The following FANCA variants were observed in gnomAD, a reference collection of about 807,000 sequenced individuals.
The protein encoded by FANCA is FA complementation group A, also known as Fanconi anemia group A protein.
In FANCA, 236 loss-of-function variants were observed where a neutral mutation model predicts 194.3. The observed-to-expected ratio is 1.21, with a 90% confidence interval of 1.09 to 1.35. The LOEUF is 1.35. Ranked by LOEUF, FANCA falls within the 40% of genes most tolerant of loss-of-function variation. The pLI, the probability that FANCA is intolerant of heterozygous loss-of-function variation, is 0.00. For synonymous variants in FANCA, 1,014 were observed against 715.8 expected, an observed-to-expected ratio of 1.42 and a Z score of -6.65; for missense variants, 2,628 against 1,813.9, an observed-to-expected ratio of 1.45 and a Z score of -8.15.
chr16:89,757,113 C>G lies in FANCA; in HGVS notation c.2981+1464G>C, dbSNP rs143322380. Among the ~76,000 whole-genome samples the G allele has an allele frequency of 1.6e-3, 251 of 152,202 alleles. 1 individual carries two copies. The highest frequency in any genetic ancestry group is 2.4e-3 in the Non-Finnish European group (165 of 68,008). ...ACCTCAGCCTCACGAGTAGCTGGGA[C>G]CATAGGCACACACTACCATGCCTGG... On this transcript the variant is annotated intron_variant, in intron 30 of 42. Coordinates refer to ENST00000389301, the MANE Select transcript of FANCA (RefSeq NM_000135.4).
chr16:89,749,489 A>G (rs1374916581), intron 32 of FANCA, among the ~76,000 whole-genome samples: 1 of 152,172 alleles, frequency 6.6e-6, no homozygotes, highest in East Asian at 1.9e-4. Flanking sequence ...AGCCTCCCAA[A>G]ATGCTAGGAT....
chr16:89,814,888 C>A (rs1430152872), intron 2 of FANCA, among the ~76,000 whole-genome samples: 1 of 151,882 alleles, frequency 6.6e-6, no homozygotes, highest in African/African-American at 2.4e-5. Context: ...CTGCAGTGAG[C>A]CGAGATCACC....
intron 20 of FANCA, chr16:89,778,462 T>C (rs1173821316): frequency 1.2e-5 from 3 of 256,518 alleles, no homozygotes; most frequent in South Asian, 6.3e-5. Flanking sequence ...CGAGACTCCA[T>C]CTAAAAAAAA....
At chr16:89,778,545 T>C (rs2039591760) in intron 20 of FANCA, 2 of 463,606 alleles carry the variant, frequency 4.3e-6, no homozygotes, top group Non-Finnish European at 3.8e-6. Context: ...AGAGAATCGC[T>C]TGAACCTAAG....
rs2039390413 is a variant in FANCA at position 89,773,361 on chromosome 16, C to T, written c.1924G>A (p.Glu642Lys). 1 of 1,551,330 alleles carries T rather than the reference C, an allele frequency of 6.4e-7. No individual in the cohort carries two copies. Among genetic ancestry groups the T allele is most frequent in the African/African-American group, 1.4e-5 (1 of 73,038 alleles). The change falls in exon 22 of 43, where the codon GAA (glutamate) becomes AAA (lysine). Residue 642 changes from glutamate (E) to lysine (K), a missense_variant. Coordinates refer to ENST00000389301, the MANE Select transcript of FANCA (RefSeq NM_000135.4). The stretch of plus-strand genomic sequence containing the variant: ...AGGGGCTCCTCAGCAGAGTTGGGTT[C>T]TGCCCTCACTCCCAGGGCTGCATCT... ...PEDAALGVRA[E>K]PNSAEEPLGQ...
Position 89,738,182 on chromosome 16 carries a change from C to G in FANCA, c.*419G>C, listed in dbSNP as rs763348972. The G allele has an allele frequency of 6.2e-7, 1 of 1,611,872 alleles. No individual in the cohort carries two copies. Among genetic ancestry groups the G allele is most frequent in the Non-Finnish European group, 8.5e-7 (1 of 1,179,484 alleles). On this transcript the variant is annotated 3_prime_UTR_variant, in exon 43 of 43. Transcript: ENST00000389301. ...GCCCTGCCCCTGGAGGCGGAACCACCACCTGGGCCACCGAGCCCCTCTGTG... is the reference window on the plus strand; with the variant it reads ...GCCCTGCCCCTGGAGGCGGAACCACGACCTGGGCCACCGAGCCCCTCTGTG...
rs144524132 is a variant in FANCA at position 89,742,872 on chromosome 16, G to A, written c.3693C>T (p.His1231=). 71 of 1,614,034 alleles carry A rather than the reference G, an allele frequency of 4.4e-5. No homozygotes were observed. Among genetic ancestry groups the A allele is most frequent in the Non-Finnish European group, 5.7e-5 (67 of 1,180,030 alleles). Residue 1231 remains histidine, a synonymous_variant, in exon 37 of 43, where the codon CAC becomes CAT. Coordinates refer to ENST00000389301, the MANE Select transcript of FANCA (RefSeq NM_000135.4). ...CTTCCCTGACTTGTTGAATCGCAAA[G>A]TGCAGTGCAGCAGCTGAGAGCCAGT... ...NPDWLSAAAL[H]FAIQQVREEN...
chr16:89,762,844 T>C, intron 28 of FANCA: 1 of 417,328 alleles, frequency 2.4e-6, no homozygotes, highest in Non-Finnish European at 4.8e-6. Context: ...GGCTCATGCC[T>C]GTAATCCCAG....
At position 89,816,549 on chromosome 16, in the gene FANCA, CCCAGGCCCT is replaced by C; in HGVS notation, c.58_66del (p.Arg20_Trp22del). ...CGCGCCCACCTACCCAGCAGCTCGG[CCCAGGCCCT>C]CCGGCGGCCCCCTGGGTCCTGGCCC... On this transcript the variant is annotated inframe_deletion, in exon 1 of 43. Coordinates refer to ENST00000389301, the MANE Select transcript of FANCA (RefSeq NM_000135.4). 8.6e-6 allele frequency: 13 copies of C among 1,508,328 alleles called. No homozygotes were observed. Among genetic ancestry groups the C allele is most frequent in the Non-Finnish European group, 1.1e-5 (13 of 1,135,868 alleles). 93.4% of individuals were successfully genotyped at this position (1,508,328 alleles called of 1,614,324 possible). A position where few individuals can be genotyped will look rare whatever the true frequency, so the allele number is the denominator to read the frequency against.
At chr16:89,796,256 A>C (rs2040242270) in intron 10 of FANCA, among the ~76,000 whole-genome samples, 1 of 152,132 alleles carries the variant, frequency 6.6e-6, no homozygotes, top group African/African-American at 2.4e-5. Context: ...AGCAGAAGGA[A>C]ACAGGTGGGG....
intron 14 of FANCA, among the ~76,000 whole-genome samples, chr16:89,786,015 A>ATTT (rs67279101): frequency 0.029 from 2,976 of 104,034 alleles, 131 homozygotes; most frequent in Non-Finnish European, 0.039. Flanking sequence ...ACTCCCAGCT[A>ATTT]TTTTTTTTTT....
chr16:89,795,049 C>G (rs1170714483), intron 11 of FANCA, among the ~76,000 whole-genome samples: 3 of 152,154 alleles, frequency 2.0e-5, no homozygotes, highest in Non-Finnish European at 2.9e-5. Context: ...TTTTGGGAGG[C>G]CGAGACGGGC....
At chr16:89,761,180 G>A (rs1160544707) in intron 29 of FANCA, among the ~76,000 whole-genome samples, 1 of 152,208 alleles carries the variant, frequency 6.6e-6, no homozygotes, top group Non-Finnish European at 1.5e-5. Flanking sequence ...AGCACTTTGG[G>A]AGGCCAAGGC....
Position 89,744,881 on chromosome 16 carries a change from G to A in FANCA, c.3626+78C>T, listed in dbSNP as rs916657571. ...CACACCGCTTCTCTCAAGCAAGCCA[G>A]GGTGTTTAGGAGATGACCTTGAGCA... On this transcript the variant is annotated intron_variant, in intron 36 of 42. Transcript: ENST00000389301. 4 of 1,315,414 alleles carry A rather than the reference G, an allele frequency of 3.0e-6. No homozygotes were observed. The African/African-American group carries it at 5.8e-5, about 19-fold the overall frequency. The allele number at this position is 1,315,414 out of a possible 1,614,324, so 81.5% of individuals were successfully genotyped here.
chr16:89,778,463 C>G, intron 20 of FANCA: 1 of 240,954 alleles, frequency 4.2e-6, no homozygotes, highest in Non-Finnish European at 7.1e-6. Flanking sequence ...GAGACTCCAT[C>G]TAAAAAAAAA....
At chr16:89,775,902 A>G in intron 20 of FANCA, 87 bp from the exon 21 acceptor site, 1 of 811,278 alleles carries the variant, frequency 1.2e-6, no homozygotes, top group Non-Finnish European at 2.0e-6. Context: ...ATAAAATAAA[A>G]ACATATTAAA....
At chr16:89,815,400 T>C (rs1004400832) in intron 2 of FANCA, among the ~76,000 whole-genome samples, 3 of 124,600 alleles carry the variant, frequency 2.4e-5, no homozygotes, top group Non-Finnish European at 4.7e-5. Flanking sequence ...CCAGACTGGA[T>C]TGCAAGGGGC....
chr16:89,738,224 C>G lies in FANCA; in HGVS notation c.*377G>C. 6.2e-7 allele frequency: 1 copy of G among 1,606,714 alleles called. No individual in the cohort carries two copies. Among genetic ancestry groups the G allele is most frequent in the South Asian group, 1.1e-5 (1 of 90,274 alleles). The stretch of plus-strand genomic sequence containing the variant: ...CCCTCTGTGACCACAGAGGGCCAGG[C>G]GGTGAAGCCCGAACCCACCTGAGGA... On this transcript the variant is annotated 3_prime_UTR_variant, in exon 43 of 43. Transcript: ENST00000389301.
At chr16:89,773,192 G>A in intron 22 of FANCA, 79 bp downstream of exon 22, 1 of 1,099,480 alleles carries the variant, frequency 9.1e-7, no homozygotes, top group South Asian at 1.3e-5. Context: ...ATGTCACTAT[G>A]GGGAAAATGG....
Sources: gnomAD v4.1 joint callset for allele counts (sites outside exome capture counted in the v4.1 genomes callset) on GRCh38, gnomAD v4.1.1 for gene constraint, MANE v1.5 for transcripts, NCBI Gene and HGNC (gene_info 2026-07-23, HGNC 2026-07-21) for gene names.